Variants in STK32C observed in about 807,000 individuals in gnomAD.
STK32C encodes the protein serine/threonine-protein kinase 32C.
A neutral mutation model predicts 56.5 loss-of-function variants in STK32C; 31 were observed. The observed-to-expected ratio is 0.55, with a 90% confidence interval of 0.41 to 0.74. STK32C has a LOEUF of 0.74. STK32C is among the 30% of genes least tolerant of loss of function. The pLI is 0.00. For missense variants in STK32C, 544 were observed against 676.9 expected (o/e 0.80, Z 2.18); for synonymous variants, 309 against 289.4 (o/e 1.07, Z -0.69).
chr10:132,298,550 T>C (rs2065822914), intron 1 of STK32C, among the ~76,000 whole-genome samples: 1 of 143,680 alleles, frequency 7.0e-6, no homozygotes, highest in South Asian at 2.6e-4. Flanking sequence ...GAGGAGCCTG[T>C]GGCTGAGATC....
rs1413971788 is a variant in STK32C, at chr10:132,246,082, G to A, written c.263-127C>T. The A allele has an allele frequency of 2.5e-5, 24 of 947,794 alleles. No homozygotes were observed. In the Admixed American group the frequency reaches 2.8e-4, roughly 11 times the overall value. The allele number at this position is 947,794 out of a possible 1,614,324, so 58.7% of individuals were successfully genotyped here. A position where few individuals can be genotyped will look rare whatever the true frequency, so the allele number is the denominator to read the frequency against. ...CCCCTCATCCTAGAAGAGGGTCGCC[G>A]TGGGGCGGGCCAAACTCTCGCTCCT... is the stretch of plus-strand genomic sequence containing the variant. On this transcript the variant is annotated intron_variant, in intron 1 of 11. Coordinates refer to ENST00000298630, the MANE Select transcript of STK32C (RefSeq NM_173575.4).
chr10:132,317,544 C>T (rs544691402), intron 1 of STK32C, among the ~76,000 whole-genome samples: 1 of 152,234 alleles, frequency 6.6e-6, no homozygotes, highest in East Asian at 1.9e-4. Flanking sequence ...CGTTCAAGAC[C>T]AGCCTGGCAA....
At chr10:132,299,786 G>A (rs370742122) in intron 1 of STK32C, among the ~76,000 whole-genome samples, 5 of 152,226 alleles carry the variant, frequency 3.3e-5, no homozygotes, top group African/African-American at 9.6e-5. Context: ...CCCTGGGCAC[G>A]AACAGGACCC....
At chr10:132,270,401 C>G (rs531834321) in intron 1 of STK32C, among the ~76,000 whole-genome samples, 1 of 152,260 alleles carries the variant, frequency 6.6e-6, no homozygotes, top group Admixed American at 6.5e-5. Context: ...CTTGCAGATG[C>G]AGGGGTCATG....
chr10:132,291,751 C>T (rs1403422444), intron 1 of STK32C, among the ~76,000 whole-genome samples: 1 of 139,120 alleles, frequency 7.2e-6, no homozygotes, highest in African/African-American at 2.6e-5. Flanking sequence ...AGACCCCATC[C>T]CCCCCACCCT....
In STK32C at chr10:132,307,338, G is replaced by A; in HGVS notation, c.262+234C>T. The A allele has an allele frequency of 5.3e-6, 2 of 376,046 alleles. No homozygotes were observed. Among genetic ancestry groups the A allele is most frequent in the Non-Finnish European group, 4.7e-6 (1 of 214,820 alleles). The allele number at this position is 376,046 out of a possible 1,614,324, so 23.3% of individuals were successfully genotyped here. A position where few individuals can be genotyped will look rare whatever the true frequency, so the allele number is the denominator to read the frequency against. ...AGCCGCGGGGGACCCTCGCCCCGAG[G>A]GCCCGGGCCCAGCCTGCTCCTCCTG... On this transcript the variant is annotated intron_variant, in intron 1 of 11. Coordinates refer to ENST00000298630, the MANE Select transcript of STK32C (RefSeq NM_173575.4). The surrounding 1 kb of genome is among the most constrained non-coding windows in gnomAD (Gnocchi z 4.4).
Position 132,307,193 on chromosome 10 carries a change from C to A in STK32C, c.262+379G>T, listed in dbSNP as rs2066102530. On this transcript the variant is annotated intron_variant, in intron 1 of 11. Coordinates refer to ENST00000298630, the MANE Select transcript of STK32C (RefSeq NM_173575.4). This position sits in a 1 kb window ranked among gnomAD's most constrained non-coding sequence, Gnocchi z 4.4. Reference sequence around the variant, plus strand: ...CTCGCACTCGGGCGGCACAGGTGAGCGCCTCTCTAACTGCAAAGTACAAAC... The same window carrying A: ...CTCGCACTCGGGCGGCACAGGTGAGAGCCTCTCTAACTGCAAAGTACAAAC... The A allele has an allele frequency of 6.2e-6, 1 of 160,288 alleles. No homozygotes were observed. The highest frequency in any genetic ancestry group is 1.4e-5 in the Non-Finnish European group (1 of 73,592). 9.9% of individuals were successfully genotyped at this position (160,288 alleles called of 1,614,324 possible).
intron 10 of STK32C, among the ~76,000 whole-genome samples, chr10:132,218,129 C>A (rs1344181008): frequency 6.6e-6 from 1 of 152,100 alleles, no homozygotes; most frequent in Admixed American, 6.6e-5. Context: ...ACCTGGACAA[C>A]ATAGTGAGAC....
intron 1 of STK32C, among the ~76,000 whole-genome samples, chr10:132,301,785 A>G (rs1033304494): frequency 1.1e-4 from 16 of 152,198 alleles, no homozygotes; most frequent in African/African-American, 3.6e-4. Flanking sequence ...AAGCAAATTA[A>G]AAGTCCACAC....
chr10:132,292,538 TGC>T (rs759485191), intron 1 of STK32C, among the ~76,000 whole-genome samples: 6 of 152,194 alleles, frequency 3.9e-5, no homozygotes, highest in Non-Finnish European at 8.8e-5. Context: ...TGCACACGCA[TGC>T]ACACACTCAC....
chr10:132,228,918 G>A (rs537950489), intron 2 of STK32C, among the ~76,000 whole-genome samples: 5 of 152,374 alleles, frequency 3.3e-5, no homozygotes, highest in African/African-American at 1.2e-4. Flanking sequence ...CCCCCTCCGG[G>A]GCGCCAGTCC....
upstream of STK32C, among the ~76,000 whole-genome samples, chr10:132,308,161 G>A (rs2066144406): frequency 6.6e-6 from 1 of 151,888 alleles, no homozygotes; most frequent in Non-Finnish European, 1.5e-5. Flanking sequence ...AGTGTCGCTA[G>A]GGAGTGGGTG....
chr10:132,311,281 T>C (rs1157679896), upstream of STK32C, among the ~76,000 whole-genome samples: 1 of 152,216 alleles, frequency 6.6e-6, no homozygotes, highest in East Asian at 1.9e-4. This position sits in a 1 kb window ranked among gnomAD's most constrained non-coding sequence, Gnocchi z 4.4. Context: ...GTGTGTGCTG[T>C]TTCCTGCTGG....
intron 1 of STK32C, among the ~76,000 whole-genome samples, chr10:132,246,683 T>C (rs542412838): frequency 1.1e-4 from 16 of 152,278 alleles, no homozygotes; most frequent in African/African-American, 2.6e-4. Flanking sequence ...GTGTGCCCTA[T>C]TCACACCAAG....
intron 1 of STK32C, among the ~76,000 whole-genome samples, chr10:132,313,544 C>CT (rs1333595242): frequency 6.6e-6 from 1 of 152,244 alleles, no homozygotes; most frequent in African/African-American, 2.4e-5. Flanking sequence ...GCACAGAGGG[C>CT]TGCGAGAGCA....
intron 1 of STK32C, chr10:132,248,952 T>C (rs2063786949): frequency 2.2e-6 from 1 of 456,474 alleles, no homozygotes; most frequent in African/African-American, 2.0e-5. Flanking sequence ...AGGAAAAGGA[T>C]GGGAAACAAA....
At chr10:132,305,844 C>T (rs2138398354) in intron 1 of STK32C, among the ~76,000 whole-genome samples, 1 of 152,240 alleles carries the variant, frequency 6.6e-6, no homozygotes, top group East Asian at 1.9e-4. Flanking sequence ...CTCCTGATTT[C>T]ACCACACAAA....
chr10:132,224,067 G>A (rs1590171159), intron 8 of STK32C, among the ~76,000 whole-genome samples: 1 of 148,646 alleles, frequency 6.7e-6, no homozygotes, highest in Admixed American at 6.7e-5. Context: ...CTTCCAATAC[G>A]TGGGACAAGG....
At chr10:132,249,222 T>C (rs1373140932) in intron 1 of STK32C, 1 of 317,982 alleles carries the variant, frequency 3.1e-6, no homozygotes, top group Non-Finnish European at 6.2e-6. Context: ...GCGGGAGTGC[T>C]GGGAGTGGGG....
Sources: gnomAD v4.1 joint callset for allele counts (sites outside exome capture counted in the v4.1 genomes callset) on GRCh38, gnomAD v4.1.1 for gene constraint, Gnocchi (gnomAD v3.1) non-coding constraint, MANE v1.5 for transcripts, NCBI Gene and HGNC (gene_info 2026-07-23, HGNC 2026-07-21) for gene names.